Variants in SULT1E1 observed in about 807,000 individuals in gnomAD.
SULT1E1 encodes sulfotransferase family 1E member 1.
A neutral mutation model predicts 33.6 loss-of-function variants in SULT1E1; 36 were observed. The ratio of observed to expected loss-of-function variants is 1.07; its 90% CI spans 0.82 to 1.41. The LOEUF is 1.41. Among genes scored for constraint, SULT1E1 ranks in the 40% most tolerant of loss-of-function variants. The pLI, the probability that SULT1E1 is intolerant of heterozygous loss-of-function variation, is 0.00. For synonymous variants in SULT1E1, 121 were observed against 111.7 expected, an observed-to-expected ratio of 1.08 and a Z score of -0.53; for missense variants, 371 against 345.7, an observed-to-expected ratio of 1.07 and a Z score of -0.58.
At chr4:69,822,468 C>T in the SULT1E1 span, among the ~76,000 whole-genome samples, 9 of 152,070 alleles carry the variant, frequency 5.9e-5, no homozygotes, top group Admixed American at 3.9e-4. Flanking sequence ...ATTAGCCAAA[C>T]GTGATGGCAT....
chr4:69,859,806 G>A (rs1209986587), intron 1 of SULT1E1, among the ~76,000 whole-genome samples: 3 of 151,758 alleles, frequency 2.0e-5, no homozygotes, highest in African/African-American at 7.3e-5. Flanking sequence ...AGATAGCAAT[G>A]GTACTGTAAT....
chr4:69,822,817 A>C, the SULT1E1 span, among the ~76,000 whole-genome samples: 1 of 152,170 alleles, frequency 6.6e-6, no homozygotes, highest in African/African-American at 2.4e-5. Flanking sequence ...ATTTGTCATA[A>C]AGAACTGCTG....
chr4:69,827,259 G>A, the SULT1E1 span, among the ~76,000 whole-genome samples: 1 of 152,112 alleles, frequency 6.6e-6, no homozygotes, highest in African/African-American at 2.4e-5. Flanking sequence ...ACTGCAGCCC[G>A]AGAGTTTGGA....
At chr4:69,822,971 TA>T in the SULT1E1 span, among the ~76,000 whole-genome samples, 3 of 152,314 alleles carry the variant, frequency 2.0e-5, no homozygotes, top group African/African-American at 7.2e-5. Context: ...CCGTGCTGAG[TA>T]TATCCATAAT....
chr4:69,824,729 T>C, the SULT1E1 span, among the ~76,000 whole-genome samples: 2 of 150,820 alleles, frequency 1.3e-5, no homozygotes, highest in Non-Finnish European at 2.9e-5. Flanking sequence ...CTCTGTAAAA[T>C]GGACTAATCA....
At chr4:69,825,114 G>T in the SULT1E1 span, among the ~76,000 whole-genome samples, 8 of 151,972 alleles carry the variant, frequency 5.3e-5, no homozygotes, top group Non-Finnish European at 7.4e-5. Flanking sequence ...AAGGTCTGTG[G>T]CTTCACTCCT....
At chr4:69,847,579 T>A in intron 6 of SULT1E1, 119 bp downstream of exon 6, 1 of 576,436 alleles carries the variant, frequency 1.7e-6, no homozygotes, top group Non-Finnish European at 2.9e-6. Flanking sequence ...CCTTTCCTTT[T>A]AAAAATTTAC....
chr4:69,828,588 G>A, the SULT1E1 span, among the ~76,000 whole-genome samples: 4 of 152,220 alleles, frequency 2.6e-5, no homozygotes, highest in Non-Finnish European at 5.9e-5. Context: ...AACAGTCACT[G>A]CAAGCTTCCG....
chr4:69,848,112 G>C (rs2110068381), intron 5 of SULT1E1, among the ~76,000 whole-genome samples: 1 of 150,370 alleles, frequency 6.7e-6, no homozygotes, highest in East Asian at 1.9e-4. Context: ...GTGTGTGTGT[G>C]TGTGTAGAAT....
At chr4:69,828,464 T>A in the SULT1E1 span, among the ~76,000 whole-genome samples, 1 of 152,170 alleles carries the variant, frequency 6.6e-6, no homozygotes, top group Non-Finnish European at 1.5e-5. Context: ...TGCAAAGGTC[T>A]GCAGCTTCAC....
intron 7 of SULT1E1, 125 bp downstream of exon 7, chr4:69,844,036 T>C (rs1720929294): frequency 3.7e-6 from 3 of 810,664 alleles, no homozygotes; most frequent in Non-Finnish European, 2.1e-6. Flanking sequence ...TATTCAAATA[T>C]GAAAGACTGC....
chr4:69,858,628 C>A (rs1331339849), intron 1 of SULT1E1, among the ~76,000 whole-genome samples: 1 of 151,990 alleles, frequency 6.6e-6, no homozygotes, highest in Non-Finnish European at 1.5e-5. Context: ...TAAATTGCCC[C>A]AGCCCTTAGG....
At chr4:69,840,181 T>C (rs1720857557), downstream of SULT1E1, among the ~76,000 whole-genome samples, 1 of 152,158 alleles carries the variant, frequency 6.6e-6, no homozygotes, top group Non-Finnish European at 1.5e-5. Context: ...CTCTCCAATT[T>C]TTGTATAATT....
chr4:69,821,849 T>C, the SULT1E1 span, among the ~76,000 whole-genome samples: 1 of 152,218 alleles, frequency 6.6e-6, no homozygotes, highest in Non-Finnish European at 1.5e-5. Context: ...TTTAAAGCTT[T>C]TGGGTAAATG....
At chr4:69,851,865 A>C (rs887735787) in intron 4 of SULT1E1, among the ~76,000 whole-genome samples, 1 of 152,156 alleles carries the variant, frequency 6.6e-6, no homozygotes, top group Non-Finnish European at 1.5e-5. Context: ...TCAGCAAACT[A>C]TCTCAAGAAC....
chr4:69,837,190 T>A (rs924406828), downstream of SULT1E1, among the ~76,000 whole-genome samples: 2 of 152,150 alleles, frequency 1.3e-5, no homozygotes, highest in South Asian at 2.1e-4. Flanking sequence ...GGACTTTCCA[T>A]GTGTGATTTT....
chr4:69,822,257 A>G, the SULT1E1 span, among the ~76,000 whole-genome samples: 1 of 152,198 alleles, frequency 6.6e-6, no homozygotes, highest in African/African-American at 2.4e-5. Context: ...TATTATTACC[A>G]TTTCACAGGT....
rs763005303 is a variant in SULT1E1, at chr4:69,847,714, T to C, written c.575A>G (p.Tyr192Cys). Reference sequence around the variant, plus strand: ...GTTCCTCACCTCTTTCAGGTCTTCGTAGAAAAGAAATAGTACACGTGGACT... The same window carrying C: ...GTTCCTCACCTCTTTCAGGTCTTCGCAGAAAAGAAATAGTACACGTGGACT... ...GKSPRVLFLF[Y>C]EDLKEDIRKE... The change falls in exon 6 of 8, where the codon TAC becomes TGC. Residue 192 changes from tyrosine (Y) to cysteine (C), a missense_variant. Tyr to Cys is a radical substitution (Grantham distance 194). Transcript: ENST00000226444. 14 of 1,604,116 alleles carry C rather than the reference T, an allele frequency of 8.7e-6. No homozygotes were observed. In the South Asian group the frequency reaches 1.0e-4, roughly 11 times the overall value.
intron 5 of SULT1E1, among the ~76,000 whole-genome samples, chr4:69,848,610 G>A (rs953368858): frequency 1.3e-5 from 2 of 151,836 alleles, no homozygotes; most frequent in African/African-American, 4.8e-5. Flanking sequence ...CTGCCCTGCA[G>A]TGGAGGTCTT....
Sources: gnomAD v4.1 joint callset for allele counts (sites outside exome capture counted in the v4.1 genomes callset) on GRCh38, gnomAD v4.1.1 for gene constraint, MANE v1.5 for transcripts, NCBI Gene and HGNC (gene_info 2026-07-23, HGNC 2026-07-21) for gene names.